SLCO4C1: variants seen among roughly 807,000 people sequenced by gnomAD.
SLCO4C1 encodes organic anion transporter M1.
SLCO4C1 carries 58 observed loss-of-function variants against 72.1 expected under a neutral mutation model. The observed-to-expected ratio is 0.80, with a 90% CI of 0.65 to 1.00. The LOEUF is 1.00. Among genes scored for constraint, SLCO4C1 ranks in the 50% least tolerant of loss-of-function variants. The pLI is 0.00. For synonymous variants in SLCO4C1, 297 were observed against 312.5 expected (o/e 0.95, Z 0.52); for missense variants, 898 against 857.9 (o/e 1.05, Z -0.58).
At chr5:102,290,252 T>C (rs1379594719) in intron 2 of SLCO4C1, among the ~76,000 whole-genome samples, 2 of 152,218 alleles carry the variant, frequency 1.3e-5, no homozygotes, top group Non-Finnish European at 2.9e-5. Flanking sequence ...AGTCTCACTA[T>C]ATTGCCCAGG....
chr5:102,291,584 T>A lies in SLCO4C1; in HGVS notation c.378A>T (p.Val126=). ...VTQGIVVNGL[V]NISISTVEKR... is the part of the protein sequence containing the mutation. Reference sequence around the variant, plus strand: ...TCTCAACAGTGGAAATGCTAATATTTACTAGGCCATTAACTACAATACCTA... The same window carrying A: ...TCTCAACAGTGGAAATGCTAATATTAACTAGGCCATTAACTACAATACCTA... Residue 126 remains valine, a synonymous_variant, in exon 2 of 13, where the codon GTA becomes GTT. Coordinates refer to ENST00000310954, the MANE Select transcript of SLCO4C1 (RefSeq NM_180991.5). 6.2e-7 allele frequency: 1 copy of A among 1,612,636 alleles called. No individual in the cohort carries two copies. The highest frequency in any genetic ancestry group is 8.5e-7 in the Non-Finnish European group (1 of 1,179,380).
intron 2 of SLCO4C1, among the ~76,000 whole-genome samples, chr5:102,289,209 A>C (rs1749510025): frequency 6.6e-6 from 1 of 152,238 alleles, no homozygotes; most frequent in Non-Finnish European, 1.5e-5. Flanking sequence ...AAACCTGCAC[A>C]GTACACTACT....
chr5:102,283,204 G>T (rs1470011572), intron 2 of SLCO4C1, among the ~76,000 whole-genome samples: 2 of 150,454 alleles, frequency 1.3e-5, no homozygotes, highest in African/African-American at 2.4e-5. Flanking sequence ...AAAAAAAAAA[G>T]ACTTTATTAT....
At chr5:102,258,109 C>T in intron 6 of SLCO4C1, 22 bp from the exon 7 acceptor site, 1 of 1,525,846 alleles carries the variant, frequency 6.6e-7, no homozygotes, top group Non-Finnish European at 8.8e-7. Flanking sequence ...AATACAGTTC[C>T]TCAAATGAAT....
chr5:102,252,671 A>C (rs1748763570), intron 8 of SLCO4C1, among the ~76,000 whole-genome samples: 1 of 152,188 alleles, frequency 6.6e-6, no homozygotes, highest in Non-Finnish European at 1.5e-5. Flanking sequence ...ACAAAGTATA[A>C]GACAGCATGA....
intron 8 of SLCO4C1, 102 bp from the exon 9 acceptor site, chr5:102,249,890 A>G (rs1748706496): frequency 1.7e-6 from 2 of 1,144,850 alleles, no homozygotes; most frequent in Non-Finnish European, 2.5e-6. Context: ...TTATTCACTC[A>G]CTCAACACAT....
chr5:102,290,457 C>T (rs1223316317), intron 2 of SLCO4C1, among the ~76,000 whole-genome samples: 2 of 152,174 alleles, frequency 1.3e-5, no homozygotes, highest in Non-Finnish European at 2.9e-5. Flanking sequence ...AAACACCTCC[C>T]TCCAATATGA....
At position 102,263,705 on chromosome 5, in the gene SLCO4C1, A is replaced by G. The variant is rs180824177; in HGVS notation, c.878T>C (p.Ile293Thr). The G allele has an allele frequency of 2.0e-5, 32 of 1,612,736 alleles. No individual in the cohort carries two copies. The Admixed American group carries it at 2.7e-4, about 13-fold the overall frequency. The change falls in exon 4 of 13, where the codon ATT becomes ACT. Residue 293 changes from isoleucine (I) to threonine (T), a missense_variant. Coordinates refer to ENST00000310954, the MANE Select transcript of SLCO4C1 (RefSeq NM_180991.5). ...VLGGQLLTIY[I>T]DVAMGESTDV... The stretch of plus-strand genomic sequence containing the variant: ...TTGCCTTTCTCCCATAGCAACATCA[A>G]TGTATATGGTTAGCAGTTGTCCTCC...
At chr5:102,258,751 A>AAC (rs1009309958) in intron 6 of SLCO4C1, among the ~76,000 whole-genome samples, 2 of 151,254 alleles carry the variant, frequency 1.3e-5, no homozygotes, top group East Asian at 1.9e-4. Flanking sequence ...GCAAAACACA[A>AAC]ACACACACAC....
chr5:102,268,343 T>C (rs552909693), intron 3 of SLCO4C1, among the ~76,000 whole-genome samples: 1 of 152,304 alleles, frequency 6.6e-6, no homozygotes, highest in African/African-American at 2.4e-5. Flanking sequence ...GAATTTGTAA[T>C]TGTAAAATGA....
intron 10 of SLCO4C1, among the ~76,000 whole-genome samples, 171 bp from the exon 11 acceptor site, chr5:102,240,953 AAAG>A (rs374439630): frequency 1.3e-5 from 2 of 152,136 alleles, no homozygotes; most frequent in South Asian, 4.1e-4. Flanking sequence ...TGGGATTATA[AAAG>A]AAGAAAAATG....
At chr5:102,294,264 T>TC (rs1288500967) in intron 1 of SLCO4C1, among the ~76,000 whole-genome samples, 1 of 152,144 alleles carries the variant, frequency 6.6e-6, no homozygotes, top group African/African-American at 2.4e-5. Flanking sequence ...CAGGCTGGTA[T>TC]CCAAGTTCTG....
At position 102,295,834 on chromosome 5, in the gene SLCO4C1, C is replaced by T. The variant is rs140335370; in HGVS notation, c.355+74G>A. The T allele has an allele frequency of 8.9e-6, 13 of 1,454,810 alleles. No individual in the cohort carries two copies. The East Asian group carries it at 3.1e-4, about 35-fold the overall frequency. 90.1% of individuals were successfully genotyped at this position (1,454,810 alleles called of 1,614,324 possible). On this transcript the variant is annotated intron_variant, in intron 1 of 12. Transcript: ENST00000310954. ...GTCCCACGGACCCCGCGCACCTGCC[C>T]TCTCCCCCGGCTGGCTCGCCGTGCC...
At chr5:102,263,381 T>G (rs1233441895) in intron 4 of SLCO4C1, among the ~76,000 whole-genome samples, 3 of 152,162 alleles carry the variant, frequency 2.0e-5, no homozygotes, top group Admixed American at 1.3e-4. Context: ...TAATTTTTAT[T>G]GAATTCTTAT....
chr5:102,253,215 T>A (rs984830280), intron 8 of SLCO4C1, among the ~76,000 whole-genome samples: 1 of 152,142 alleles, frequency 6.6e-6, no homozygotes, highest in Non-Finnish European at 1.5e-5. Flanking sequence ...AGACTCAAAG[T>A]TCCTATAGAT....
chr5:102,255,688 G>A (rs1748821041), intron 8 of SLCO4C1, among the ~76,000 whole-genome samples: 2 of 152,114 alleles, frequency 1.3e-5, no homozygotes, highest in South Asian at 2.1e-4. Flanking sequence ...ATCCTTGAAG[G>A]ATTTTTAAAC....
At chr5:102,245,075 TACA>T (rs1209449737) in intron 10 of SLCO4C1, among the ~76,000 whole-genome samples, 4 of 152,058 alleles carry the variant, frequency 2.6e-5, no homozygotes, top group Non-Finnish European at 4.4e-5. Flanking sequence ...AAATAGTAAC[TACA>T]ACAACTTTTC....
chr5:102,269,709 G>A (rs565865149), intron 3 of SLCO4C1, among the ~76,000 whole-genome samples: 1 of 152,036 alleles, frequency 6.6e-6, no homozygotes, highest in African/African-American at 2.4e-5. Flanking sequence ...TTTTGATTCT[G>A]TTACTGTATA....
intron 2 of SLCO4C1, among the ~76,000 whole-genome samples, chr5:102,288,750 C>A (rs139503598): frequency 9.8e-4 from 149 of 152,304 alleles, no homozygotes; most frequent in African/African-American, 3.4e-3. Context: ...TTTTCTCCAG[C>A]CTGGAAATTA....
Sources: allele counts gnomAD v4.1 joint callset (sites outside exome capture counted in the v4.1 genomes callset), GRCh38; gene constraint gnomAD v4.1.1; transcripts MANE v1.5; gene names NCBI Gene and HGNC (gene_info 2026-07-23, HGNC 2026-07-21).